The following MEOX2 variants were observed in gnomAD, a reference collection of about 807,000 sequenced individuals.
The protein encoded by MEOX2 is homeobox protein MOX-2.
Under a neutral mutation model 27.0 loss-of-function variants are expected in MEOX2, and 11 were observed. The observed-to-expected ratio is 0.41, with a 90% CI of 0.26 to 0.68. The LOEUF (loss-of-function observed/expected upper bound fraction) is 0.68, where lower values mean the gene tolerates loss of function less well. MEOX2 is among the 30% of genes least tolerant of loss of function. The probability of loss-of-function intolerance (pLI) is 0.33; values close to 1 mark genes in which losing one functional copy is unlikely to be tolerated. For missense variants in MEOX2, 436 were observed against 385.4 expected (o/e 1.13, Z -1.10); for synonymous variants, 189 against 155.4 (o/e 1.22, Z -1.61).
chr7:15,676,697 C>T (rs1469620134), intron 1 of MEOX2, among the ~76,000 whole-genome samples: 1 of 151,804 alleles, frequency 6.6e-6, no homozygotes, highest in Non-Finnish European at 1.5e-5. Flanking sequence ...ATGGTGAAAC[C>T]GCGTCTCTAC....
chr7:15,631,578 C>A (rs536065554), intron 1 of MEOX2, among the ~76,000 whole-genome samples: 48 of 151,816 alleles, frequency 3.2e-4, no homozygotes, highest in African/African-American at 1.0e-3. Context: ...AGTTTATAGA[C>A]TTGACTTTTT....
intron 1 of MEOX2, among the ~76,000 whole-genome samples, chr7:15,684,804 C>T (rs1000187451): frequency 6.6e-6 from 1 of 152,318 alleles, no homozygotes; most frequent in Non-Finnish European, 1.5e-5. Context: ...TTGCACTATA[C>T]CCACGAAAGA....
intron 1 of MEOX2, among the ~76,000 whole-genome samples, chr7:15,660,293 T>C (rs1024736864): frequency 4.6e-5 from 7 of 152,010 alleles, no homozygotes; most frequent in Admixed American, 6.5e-5. Context: ...TAGAAAAAAT[T>C]AGCAGGAGAG....
intron 2 of MEOX2, among the ~76,000 whole-genome samples, chr7:15,616,632 T>C (rs1200681419): frequency 6.6e-6 from 1 of 151,928 alleles, no homozygotes; most frequent in African/African-American, 2.4e-5. Flanking sequence ...ATTATCATCA[T>C]CCAAATGCCT....
At chr7:15,660,867 G>A (rs1235772632) in intron 1 of MEOX2, among the ~76,000 whole-genome samples, 1 of 151,774 alleles carries the variant, frequency 6.6e-6, no homozygotes, top group African/African-American at 2.4e-5. Context: ...ACAAAAATCA[G>A]CCAGGCATGA....
intron 1 of MEOX2, among the ~76,000 whole-genome samples, chr7:15,634,903 G>A (rs1023199391): frequency 2.0e-5 from 3 of 151,860 alleles, no homozygotes; most frequent in Non-Finnish European, 4.4e-5. Context: ...TGACACATAT[G>A]GCATCACCAT....
intron 2 of MEOX2, among the ~76,000 whole-genome samples, chr7:15,625,356 G>A (rs757383534): frequency 1.3e-4 from 20 of 152,128 alleles, no homozygotes; most frequent in Non-Finnish European, 2.4e-4. Flanking sequence ...GAAGTCTAAG[G>A]GAAGGAAAAT....
chr7:15,641,495 G>C (rs1430484966), intron 1 of MEOX2, among the ~76,000 whole-genome samples: 3 of 151,824 alleles, frequency 2.0e-5, no homozygotes, highest in Non-Finnish European at 2.9e-5. Context: ...CCTTTACTTT[G>C]AGCCTGTGTC....
chr7:15,663,743 A>G (rs749829842), intron 1 of MEOX2, among the ~76,000 whole-genome samples: 7 of 152,236 alleles, frequency 4.6e-5, no homozygotes, highest in Non-Finnish European at 8.8e-5. Context: ...AAATTAAATT[A>G]AACGCACTGT....
At chr7:15,659,290 G>A (rs1341771038) in intron 1 of MEOX2, among the ~76,000 whole-genome samples, 1 of 152,130 alleles carries the variant, frequency 6.6e-6, no homozygotes, top group Non-Finnish European at 1.5e-5. Context: ...AAACCATAAT[G>A]TTGCATCTTT....
At chr7:15,673,567 T>A (rs1028720302) in intron 1 of MEOX2, among the ~76,000 whole-genome samples, 4 of 111,994 alleles carry the variant, frequency 3.6e-5, no homozygotes, top group Middle Eastern at 5.1e-3. Context: ...TTTTTTTTTT[T>A]AGATGAGGAA....
In MEOX2 at chr7:15,686,200, TGC is replaced by T. The variant is rs773053518; in HGVS notation, c.201_202del (p.His68ProfsTer135). 21 of 1,531,084 alleles carry T rather than the reference TGC, an allele frequency of 1.4e-5. No homozygotes were observed. The African/African-American group carries it at 2.6e-4, about 19-fold the overall frequency. The allele number at this position is 1,531,084 out of a possible 1,614,324, so 94.8% of individuals were successfully genotyped here. ...GTGGTGGTGGTGGTGGTGGTGGTGG[TGC>T]CCCCTGTGATGCTGGCTGGCAAACA... On this transcript the variant is annotated frameshift_variant, in exon 1 of 3. Coordinates refer to ENST00000262041, the MANE Select transcript of MEOX2 (RefSeq NM_005924.5). LOFTEE classifies it high-confidence loss of function.
At chr7:15,648,102 AT>A (rs1781678452) in intron 1 of MEOX2, among the ~76,000 whole-genome samples, 1 of 152,070 alleles carries the variant, frequency 6.6e-6, no homozygotes, top group Non-Finnish European at 1.5e-5. Flanking sequence ...AATGACATAT[AT>A]TTTTAATTAA....
At chr7:15,674,168 T>A (rs2115392977) in intron 1 of MEOX2, among the ~76,000 whole-genome samples, 1 of 152,288 alleles carries the variant, frequency 6.6e-6, no homozygotes, top group Middle Eastern at 3.4e-3. Context: ...AAGCCAATAA[T>A]TCAACATTTG....
At chr7:15,670,402 C>A (rs1782076715) in intron 1 of MEOX2, among the ~76,000 whole-genome samples, 1 of 152,166 alleles carries the variant, frequency 6.6e-6, no homozygotes, top group East Asian at 1.9e-4. Context: ...GTATTTGAAT[C>A]TGATAATCTC....
Position 15,612,626 on chromosome 7 carries a change from G to C in MEOX2, c.691-15C>G. 2 of 1,607,028 alleles carry C rather than the reference G, an allele frequency of 1.2e-6. No individual in the cohort carries two copies. Among genetic ancestry groups the C allele is most frequent in the Non-Finnish European group, 1.7e-6 (2 of 1,173,764 alleles). ...CAGACTTTCACCTTCAACCAAGAAA[G>C]GGAACAAACAAACAGAAAAAAAGAG... On this transcript the variant is annotated splice_polypyrimidine_tract_variant and intron_variant, in intron 2 of 2. Transcript: ENST00000262041.
At chr7:15,619,631 T>C (rs1453812317) in intron 2 of MEOX2, among the ~76,000 whole-genome samples, 1 of 152,022 alleles carries the variant, frequency 6.6e-6, no homozygotes, top group African/African-American at 2.4e-5. Context: ...TACACACATA[T>C]ACACAGATAT....
intron 1 of MEOX2, among the ~76,000 whole-genome samples, chr7:15,657,943 C>T (rs1012791958): frequency 6.6e-6 from 1 of 152,226 alleles, no homozygotes; most frequent in Non-Finnish European, 1.5e-5. Context: ...AAGTTCCCCA[C>T]TGAGCCTCAG....
chr7:15,646,288 A>G (rs1008353490), intron 1 of MEOX2, among the ~76,000 whole-genome samples: 1 of 152,064 alleles, frequency 6.6e-6, no homozygotes, highest in Non-Finnish European at 1.5e-5. Flanking sequence ...TCTTCTTTGG[A>G]AACTTCCTAT....
Sources: allele counts gnomAD v4.1 joint callset (sites outside exome capture counted in the v4.1 genomes callset), GRCh38; gene constraint gnomAD v4.1.1; transcripts MANE v1.5; gene names NCBI Gene and HGNC (gene_info 2026-07-23, HGNC 2026-07-21).